Variants in GYG1 observed in about 807,000 individuals in gnomAD.
GYG1 encodes glycogenin 1, also known as glycogenin-1.
A neutral mutation model predicts 41.9 loss-of-function variants in GYG1; 44 were observed. The observed-to-expected ratio is 1.05, with a 90% CI of 0.83 to 1.35. GYG1 has a LOEUF of 1.35. GYG1 is among the 40% of genes most tolerant of loss of function. The probability of loss-of-function intolerance (pLI) is 0.00; values close to 1 mark genes in which losing one functional copy is unlikely to be tolerated. For missense variants in GYG1, 429 were observed against 418.9 expected (o/e 1.02, Z -0.21); for synonymous variants, 141 against 158.1 (o/e 0.89, Z 0.81).
At position 149,030,371 on chromosome 3, in the gene GYG1, CAG is replaced by C. The variant is rs1714898517; in HGVS notation, c.*3440_*3441del. 1 of 151,974 alleles carries C rather than the reference CAG, an allele frequency of 6.6e-6. No individual in the cohort carries two copies. The highest frequency in any genetic ancestry group is 1.5e-5 in the Non-Finnish European group (1 of 67,988). The allele number at this position is 151,974 out of a possible 1,614,324, so 9.4% of individuals were successfully genotyped here. A position where few individuals can be genotyped will look rare whatever the true frequency, so the allele number is the denominator to read the frequency against. On this transcript the variant is annotated 3_prime_UTR_variant, in exon 8 of 8. Coordinates refer to ENST00000345003, the MANE Select transcript of GYG1 (RefSeq NM_004130.4). ...ACTTTTAAAATATAACAACATCTAA[CAG>C]AACTGTACAAAACAAAGAGACATTT...
chr3:149,011,055 T>G (rs3772573), intron 5 of GYG1, among the ~76,000 whole-genome samples: 39,985 of 152,146 alleles, frequency 0.26, 6,124 homozygotes, highest in Middle Eastern at 0.41. Context: ...CCTCCCTAAC[T>G]GTTCCCTTGG....
In GYG1 at chr3:149,029,145, A is replaced by G. The variant is rs1213842538; in HGVS notation, c.*2212A>G. Reference sequence around the variant, plus strand: ...TTTGGCTAGAAAATCACTGAACTAAACATTCTTTTCCTTCTATGATCTATG... The same window carrying G: ...TTTGGCTAGAAAATCACTGAACTAAGCATTCTTTTCCTTCTATGATCTATG... On this transcript the variant is annotated 3_prime_UTR_variant, in exon 8 of 8. Transcript: ENST00000345003. Among the ~76,000 whole-genome samples the G allele has an allele frequency of 6.6e-6, 1 of 152,214 alleles. No individual in the cohort carries two copies. Among genetic ancestry groups the G allele is most frequent in the Admixed American group, 6.5e-5 (1 of 15,288 alleles).
At position 148,991,605 on chromosome 3, in the gene GYG1, G is replaced by A. The variant is rs1181803133; in HGVS notation, c.-36G>A. The A allele has an allele frequency of 1.3e-6, 2 of 1,554,754 alleles. No homozygotes were observed. Among genetic ancestry groups the A allele is most frequent in the Non-Finnish European group, 8.6e-7 (1 of 1,158,852 alleles). ...GCCGGCTTCTCTGAGTCACCAACCT[G>A]AGGCTGCCCCGGCCGCCTGCGCACC... On this transcript the variant is annotated 5_prime_UTR_variant, in exon 1 of 8. Transcript: ENST00000345003.
chr3:149,021,308 A>G (rs955537009), intron 5 of GYG1, among the ~76,000 whole-genome samples: 2 of 152,240 alleles, frequency 1.3e-5, no homozygotes, highest in Admixed American at 6.5e-5. Flanking sequence ...ATCTGTGCAC[A>G]AATTTGGGCA....
intron 1 of GYG1, among the ~76,000 whole-genome samples, chr3:148,993,804 A>G (rs1712630077): frequency 1.3e-5 from 2 of 152,286 alleles, no homozygotes; most frequent in South Asian, 4.1e-4. Flanking sequence ...GAAACAGCAA[A>G]TGTACTACTT....
intron 5 of GYG1, among the ~76,000 whole-genome samples, chr3:149,014,056 C>G (rs1005175916): frequency 3.3e-5 from 5 of 152,126 alleles, no homozygotes; most frequent in Admixed American, 2.6e-4. Context: ...ATCCACTTAG[C>G]CACTGCTTAG....
At chr3:149,025,123 C>G (rs897810741) in intron 6 of GYG1, among the ~76,000 whole-genome samples, 1 of 152,146 alleles carries the variant, frequency 6.6e-6, no homozygotes, top group Non-Finnish European at 1.5e-5. Context: ...ACTCTGAGTT[C>G]TTTATATGGA....
chr3:149,023,261 G>C (rs1207551166), intron 5 of GYG1, among the ~76,000 whole-genome samples: 1 of 152,192 alleles, frequency 6.6e-6, no homozygotes. Flanking sequence ...GTCAAGCCAA[G>C]CCATAGGACA....
intron 4 of GYG1, among the ~76,000 whole-genome samples, chr3:149,007,771 G>T (rs927382491): frequency 5.9e-5 from 9 of 152,154 alleles, no homozygotes; most frequent in African/African-American, 1.9e-4. Context: ...CTTAGAGCAG[G>T]TGTCTGCCTG....
In GYG1 at chr3:149,027,890, G is replaced by A. The variant is rs115429280; in HGVS notation, c.*957G>A. Among the ~76,000 whole-genome samples, 5 of 152,148 alleles carry A rather than the reference G, an allele frequency of 3.3e-5. No homozygotes were observed. The highest frequency in any genetic ancestry group is 1.3e-4 in the Admixed American group (2 of 15,280). ...CACACTGCACCTCTCTATTAAGTGG[G>A]TATTTAGCTATTTAGAATATTTTAA... On this transcript the variant is annotated 3_prime_UTR_variant, in exon 8 of 8. Coordinates refer to ENST00000345003, the MANE Select transcript of GYG1 (RefSeq NM_004130.4).
Position 149,024,261 on chromosome 3 carries a change from T to C in GYG1, c.817T>C (p.Tyr273His), listed in dbSNP as rs1332456413. Reference sequence around the variant, plus strand: ...TGGCCTTGTCAAAGACACCTGCTCATATGTAAATGTGGTAGGTTCTGTTTC... The same window carrying C: ...TGGCCTTGTCAAAGACACCTGCTCACATGTAAATGTGGTAGGTTCTGTTTC... ...QFGLVKDTCS[Y>H]VNVLSDLVYT... Residue 273 changes from tyrosine (Y) to histidine (H), a missense_variant, in exon 6 of 8, where the codon TAT becomes CAT. Tyr to His is a moderately conservative substitution (Grantham distance 83). Transcript: ENST00000345003. 7.5e-6 allele frequency: 12 copies of C among 1,589,796 alleles called. No homozygotes were observed. Among genetic ancestry groups the C allele is most frequent in the Non-Finnish European group, 1.0e-5 (12 of 1,157,916 alleles).
chr3:149,026,304 CTAGT>C (rs1000958636), intron 6 of GYG1, 144 bp from the exon 7 acceptor site: 49 of 731,200 alleles, frequency 6.7e-5, no homozygotes, highest in African/African-American at 5.0e-4. Context: ...TTGCGGCTCT[CTAGT>C]TAGATTCTTT....
intron 4 of GYG1, among the ~76,000 whole-genome samples, chr3:149,001,836 G>A (rs758381474): frequency 3.3e-5 from 5 of 152,124 alleles, no homozygotes; most frequent in Non-Finnish European, 7.4e-5. Flanking sequence ...CAGCATTCTT[G>A]AGTATGTATC....
chr3:149,009,285 A>G lies in GYG1; in HGVS notation c.491A>G (p.Gln164Arg), dbSNP rs1389043812. The G allele has an allele frequency of 6.2e-7, 1 of 1,612,474 alleles. No individual in the cohort carries two copies. The highest frequency in any genetic ancestry group is 8.5e-7 in the Non-Finnish European group (1 of 1,178,444). Residue 164 changes from glutamine to arginine, a missense_variant, in exon 5 of 8, where the codon CAA becomes CGA. Coordinates refer to ENST00000345003, the MANE Select transcript of GYG1 (RefSeq NM_004130.4). ...SEQGSFDGGDQGILNTFFSSW... is the reference protein window; with the variant it reads ...SEQGSFDGGDRGILNTFFSSW... ...TATTTTTTTCTTTTAGGTGGGGACCAAGGCATACTGAACACATTTTTTAGC... is the reference window on the plus strand; with the variant it reads ...TATTTTTTTCTTTTAGGTGGGGACCGAGGCATACTGAACACATTTTTTAGC...
chr3:149,002,743 A>G lies in GYG1; in HGVS notation c.481+5839A>G, dbSNP rs1315250436. Among the ~76,000 whole-genome samples the G allele has an allele frequency of 1.1e-4, 17 of 152,336 alleles. No homozygotes were observed. In the East Asian group the frequency reaches 2.9e-3, roughly 26 times the overall value. On this transcript the variant is annotated intron_variant, in intron 4 of 7. Coordinates refer to ENST00000345003, the MANE Select transcript of GYG1 (RefSeq NM_004130.4). Reference sequence around the variant, plus strand: ...AAGTTAGTTTTAAAAAGAAGTGTCCAGGCGCAGTGGCTCACACCTGTAATT... The same window carrying G: ...AAGTTAGTTTTAAAAAGAAGTGTCCGGGCGCAGTGGCTCACACCTGTAATT...
chr3:149,020,687 T>C (rs1714322694), intron 5 of GYG1, among the ~76,000 whole-genome samples: 2 of 152,268 alleles, frequency 1.3e-5, no homozygotes, highest in Non-Finnish European at 2.9e-5. Flanking sequence ...TTACACTATA[T>C]TCATGTTTTA....
chr3:149,001,985 A>G lies in GYG1; in HGVS notation c.481+5081A>G, dbSNP rs139091017. ...GAAGGAATGGAGGCTCAAGTCTTCT[A>G]TCTCTATTGCTACTGTTCCTCCCCT... is the stretch of plus-strand genomic sequence containing the variant. On this transcript the variant is annotated intron_variant, in intron 4 of 7. Coordinates refer to ENST00000345003, the MANE Select transcript of GYG1 (RefSeq NM_004130.4). Among the ~76,000 whole-genome samples the G allele has an allele frequency of 1.0e-3, 157 of 152,282 alleles. 1 individual carries two copies. The highest frequency in any genetic ancestry group is 3.6e-3 in the African/African-American group (148 of 41,552).
rs1714901581 is a variant in GYG1, at chr3:149,030,401, T to TAAAC, written c.*3471_*3474dup. The TAAAC allele has an allele frequency of 6.6e-6, 1 of 152,136 alleles. No homozygotes were observed. 9.4% of individuals were successfully genotyped at this position (152,136 alleles called of 1,614,324 possible). On this transcript the variant is annotated 3_prime_UTR_variant, in exon 8 of 8. Transcript: ENST00000345003. Reference sequence around the variant, plus strand: ...CTGTACAAAACAAAGAGACATTTTTTAAACAACTTGCCAAACTTACTTATG... The same window carrying TAAAC: ...CTGTACAAAACAAAGAGACATTTTTTAAACAAACAACTTGCCAAACTTACTTATG...
chr3:149,001,250 C>T (rs1713080106), intron 4 of GYG1: 1 of 152,088 alleles, frequency 6.6e-6, no homozygotes, highest in Admixed American at 6.6e-5. Context: ...GCTGCCTGTT[C>T]TAGTAATTTA....
Sources: allele counts gnomAD v4.1 joint callset (sites outside exome capture counted in the v4.1 genomes callset), GRCh38; gene constraint gnomAD v4.1.1; transcripts MANE v1.5; gene names NCBI Gene and HGNC (gene_info 2026-07-23, HGNC 2026-07-21).